Variants in SFMBT1 observed in about 807,000 individuals in gnomAD.
The protein encoded by SFMBT1 is Scm like with four mbt domains 1.
In SFMBT1, 32 loss-of-function variants were observed where a neutral mutation model predicts 108.7. That is an observed-to-expected ratio of 0.29 (90% CI 0.22 to 0.40). The LOEUF is 0.40. Ranked by LOEUF, SFMBT1 falls within the 10% of genes least tolerant of loss-of-function variation. The pLI is 1.00. For missense variants in SFMBT1, 816 were observed against 1,059.6 expected (o/e 0.77, Z 3.19); for synonymous variants, 348 against 369.5 (o/e 0.94, Z 0.67).
chr3:53,004,767 A>G (rs1168774651), intron 1 of SFMBT1, among the ~76,000 whole-genome samples: 1 of 145,910 alleles, frequency 6.9e-6, no homozygotes, highest in African/African-American at 2.4e-5. Flanking sequence ...TCACCTGTGT[A>G]ACATAGGGCC....
chr3:52,928,033 A>C (rs544463973), intron 9 of SFMBT1, among the ~76,000 whole-genome samples, 158 bp downstream of exon 9: 6 of 152,350 alleles, frequency 3.9e-5, no homozygotes, highest in African/African-American at 1.4e-4. Flanking sequence ...AAATACATGG[A>C]ATCTAGACCT....
intron 4 of SFMBT1, among the ~76,000 whole-genome samples, chr3:52,940,442 C>T (rs1481793469): frequency 2.0e-5 from 3 of 152,150 alleles, no homozygotes; most frequent in Non-Finnish European, 4.4e-5. Context: ...CTCACCCAAT[C>T]TAGGACAGTT....
intron 16 of SFMBT1, among the ~76,000 whole-genome samples, chr3:52,912,041 T>C (rs1400130456): frequency 6.6e-6 from 1 of 152,078 alleles, no homozygotes; most frequent in Non-Finnish European, 1.5e-5. Flanking sequence ...TCATATTTTA[T>C]AAATGTATTG....
intron 1 of SFMBT1, among the ~76,000 whole-genome samples, chr3:53,027,598 T>C (rs1457731152): frequency 1.3e-5 from 2 of 152,196 alleles, no homozygotes; most frequent in African/African-American, 2.4e-5. Flanking sequence ...GAGAAGGAAA[T>C]TCAGTGATTC....
At chr3:53,008,227 T>G (rs965515578) in intron 1 of SFMBT1, among the ~76,000 whole-genome samples, 9 of 152,160 alleles carry the variant, frequency 5.9e-5, no homozygotes, top group South Asian at 2.1e-4. Flanking sequence ...TGTACTTATG[T>G]AGAAGAATGT....
chr3:52,932,341 G>A (rs756566394), intron 5 of SFMBT1, 33 bp from the exon 6 acceptor site: 1 of 1,587,196 alleles, frequency 6.3e-7, no homozygotes, highest in Non-Finnish European at 8.6e-7. Context: ...AACCCAGTAA[G>A]AGAAATTAAC....
At chr3:52,960,386 G>T (rs1430955304) in intron 2 of SFMBT1, among the ~76,000 whole-genome samples, 1 of 152,102 alleles carries the variant, frequency 6.6e-6, no homozygotes, top group Non-Finnish European at 1.5e-5. Context: ...GAAAATGCAT[G>T]AAAAGATGTT....
intron 2 of SFMBT1, among the ~76,000 whole-genome samples, chr3:52,968,896 T>C (rs1473656092): frequency 6.6e-6 from 1 of 152,100 alleles, no homozygotes; most frequent in Non-Finnish European, 1.5e-5. Flanking sequence ...CCCGGCCTTG[T>C]TCATAACAGT....
intron 1 of SFMBT1, chr3:53,018,249 A>G (rs1240210810): frequency 6.6e-6 from 1 of 152,182 alleles, no homozygotes; most frequent in Non-Finnish European, 1.5e-5. Flanking sequence ...AAACAAAAAG[A>G]AAAAAAAGAA....
At chr3:52,981,738 G>T (rs753229599) in intron 1 of SFMBT1, among the ~76,000 whole-genome samples, 9 of 151,848 alleles carry the variant, frequency 5.9e-5, no homozygotes, top group Non-Finnish European at 2.9e-5. Context: ...TGCTACAAAG[G>T]ACATTAATTA....
At chr3:53,012,335 C>T (rs1252339048) in intron 1 of SFMBT1, among the ~76,000 whole-genome samples, 4 of 151,702 alleles carry the variant, frequency 2.6e-5, no homozygotes, top group Non-Finnish European at 5.9e-5. Flanking sequence ...GCATTTAAGT[C>T]GCTGCGCAGC....
intron 1 of SFMBT1, among the ~76,000 whole-genome samples, chr3:52,983,021 G>A (rs1395624412): frequency 6.6e-6 from 1 of 152,142 alleles, no homozygotes; most frequent in African/African-American, 2.4e-5. Context: ...TATAGAAACA[G>A]TTTTAGAGGA....
At chr3:53,024,982 A>C (rs1699439223) in intron 1 of SFMBT1, among the ~76,000 whole-genome samples, 1 of 151,040 alleles carries the variant, frequency 6.6e-6, no homozygotes, top group African/African-American at 2.4e-5. Context: ...GCAAATTAAC[A>C]TTCTCCAATA....
At chr3:53,003,121 C>CAAAAA (rs397894876) in intron 1 of SFMBT1, among the ~76,000 whole-genome samples, 120 of 61,832 alleles carry the variant, frequency 1.9e-3, no homozygotes, top group Middle Eastern at 0.01. Context: ...GACTCCATCA[C>CAAAAA]AAAAAAAAAA....
chr3:52,948,841 T>C (rs1412065584), intron 3 of SFMBT1, among the ~76,000 whole-genome samples: 1 of 138,898 alleles, frequency 7.2e-6, no homozygotes, highest in Admixed American at 7.2e-5. Context: ...TTTTTTTTTT[T>C]TTTTTGTAGA....
chr3:52,974,639 T>TA, intron 1 of SFMBT1, among the ~76,000 whole-genome samples: 1 of 152,170 alleles, frequency 6.6e-6, no homozygotes, highest in South Asian at 2.1e-4. Context: ...TAAAGTCTGA[T>TA]AAAGTCAAGG....
At chr3:52,938,794 G>A (rs1010244861) in intron 4 of SFMBT1, among the ~76,000 whole-genome samples, 1 of 152,064 alleles carries the variant, frequency 6.6e-6, no homozygotes, top group East Asian at 1.9e-4. Context: ...TTTAGTTTAA[G>A]TTCTATAGCT....
intron 4 of SFMBT1, among the ~76,000 whole-genome samples, chr3:52,936,727 T>A (rs981758170): frequency 6.6e-6 from 1 of 152,170 alleles, no homozygotes; most frequent in Non-Finnish European, 1.5e-5. Context: ...ACTGGGTTAG[T>A]GTTTCTCGGC....
intron 1 of SFMBT1, among the ~76,000 whole-genome samples, chr3:53,041,968 T>A (rs1700073257): frequency 1.3e-5 from 2 of 152,206 alleles, no homozygotes; most frequent in Non-Finnish European, 2.9e-5. Context: ...TTGTATCATT[T>A]ACTCATTACA....
Sources: allele counts gnomAD v4.1 joint callset (sites outside exome capture counted in the v4.1 genomes callset), GRCh38; gene constraint gnomAD v4.1.1; transcripts MANE v1.5; gene names NCBI Gene and HGNC (gene_info 2026-07-23, HGNC 2026-07-21).